ZNF517: variants seen among roughly 807,000 people sequenced by gnomAD.
ZNF517 encodes zinc finger protein 517.
ZNF517 carries 12 observed loss-of-function variants against 12.1 expected under a neutral mutation model. The ratio of observed to expected loss-of-function variants is 0.99; its 90% CI spans 0.63 to 1.61. The LOEUF (loss-of-function observed/expected upper bound fraction) is 1.61, where lower values mean the gene tolerates loss of function less well. Among genes scored for constraint, ZNF517 ranks in the 40% most tolerant of loss-of-function variants. The probability of loss-of-function intolerance (pLI) is 0.00; values close to 1 mark genes in which losing one functional copy is unlikely to be tolerated. For synonymous variants in ZNF517, 388 were observed against 310.2 expected, an observed-to-expected ratio of 1.25 and a Z score of -2.63; for missense variants, 781 against 693.2, an observed-to-expected ratio of 1.13 and a Z score of -1.42.
intron 1 of ZNF517, among the ~76,000 whole-genome samples, chr8:144,801,989 C>T (rs2039545750): frequency 6.6e-6 from 1 of 152,110 alleles, no homozygotes; most frequent in African/African-American, 2.4e-5. Context: ...GCTGAGATCA[C>T]ACCACTGCGC....
chr8:144,804,508 G>A (rs894987328), intron 4 of ZNF517, among the ~76,000 whole-genome samples: 2 of 152,206 alleles, frequency 1.3e-5, no homozygotes, highest in African/African-American at 4.8e-5. Flanking sequence ...CTTGGGTTGT[G>A]TAGGGACCAG....
chr8:144,803,848 C>G, intron 3 of ZNF517, 81 bp downstream of exon 3: 1 of 1,539,160 alleles, frequency 6.5e-7, no homozygotes, highest in East Asian at 2.3e-5. Context: ...ATTGCAGATT[C>G]AAGGTCTGAC....
chr8:144,802,835 G>A, intron 1 of ZNF517, 35 bp from the exon 2 acceptor site: 1 of 1,611,162 alleles, frequency 6.2e-7, no homozygotes, highest in Non-Finnish European at 8.5e-7. Flanking sequence ...CCTTAGGCCT[G>A]GGCTCTTTCC....
chr8:144,809,257 C>T lies in ZNF517; in HGVS notation c.*862C>T, dbSNP rs1355967180. 6.6e-6 allele frequency: 1 copy of T among 152,260 alleles called. No homozygotes were observed. Among genetic ancestry groups the T allele is most frequent in the African/African-American group, 2.4e-5 (1 of 41,452 alleles). 9.4% of individuals were successfully genotyped at this position (152,260 alleles called of 1,614,324 possible). A position where few individuals can be genotyped will look rare whatever the true frequency, so the allele number is the denominator to read the frequency against. On this transcript the variant is annotated 3_prime_UTR_variant, in exon 5 of 5. Coordinates refer to ENST00000359971, the MANE Select transcript of ZNF517 (RefSeq NM_213605.3). ...CCAGCCTGGAGTGCAATGGCACAAT[C>T]ATGGCTTACTGCAGCCTCCAGCTCC...
rs145881540 is a variant in ZNF517 at position 144,803,673 on chromosome 8, C to G, written c.66C>G (p.Tyr22Ter). 1 of 1,614,012 alleles carries G rather than the reference C, an allele frequency of 6.2e-7. No individual in the cohort carries two copies. The highest frequency in any genetic ancestry group is 1.3e-5 in the African/African-American group (1 of 74,924). Residue 22 changes from tyrosine (Y) to a stop codon, truncating the protein, a stop_gained, in exon 3 of 5, where the codon TAC becomes TAG. Coordinates refer to ENST00000359971, the MANE Select transcript of ZNF517 (RefSeq NM_213605.3). LOFTEE classifies it high-confidence loss of function. ...EAVVFEDVAV[Y>*]FTRIEWSCLA... The stretch of plus-strand genomic sequence containing the variant: ...TTGTGTTCGAGGATGTGGCTGTGTA[C>G]TTCACAAGGATAGAGTGGAGTTGCC...
chr8:144,807,440 CCCCCCGCTACAGG>C lies in ZNF517; in HGVS notation c.525_537del (p.Pro176AlafsTer46), dbSNP rs774461761. ...CTGGGCCGGCCTGTGGGGAGCTCAG[CCCCCCGCTACAGG>C]TGCGTGTGCGGCAAGGCGTTCAGAT... On this transcript the variant is annotated frameshift_variant, in exon 5 of 5. Transcript: ENST00000359971. LOFTEE classifies it low-confidence loss of function (END_TRUNC). The C allele has an allele frequency of 1.3e-6, 2 of 1,572,596 alleles. No homozygotes were observed. Among genetic ancestry groups the C allele is most frequent in the African/African-American group, 2.7e-5 (2 of 73,760 alleles).
chr8:144,805,708 C>T (rs1458191414), intron 4 of ZNF517, among the ~76,000 whole-genome samples: 1 of 151,534 alleles, frequency 6.6e-6, no homozygotes, highest in African/African-American at 2.4e-5. Context: ...CTCCACCTCC[C>T]GGGTTCACGC....
Position 144,803,680 on chromosome 8 carries a change from A to G in ZNF517, c.73A>G (p.Arg25Gly). Residue 25 changes from arginine (R) to glycine (G), a missense_variant, in exon 3 of 5, where the codon AGG becomes GGG. Physicochemically the swap from Arg to Gly is moderately radical, Grantham distance 125. Transcript: ENST00000359971. ...CGAGGATGTGGCTGTGTACTTCACA[A>G]GGATAGAGTGGAGTTGCCTGGCCCC... ...VFEDVAVYFT[R>G]IEWSCLAPDQ... The G allele has an allele frequency of 6.2e-7, 1 of 1,614,110 alleles. No individual in the cohort carries two copies. Among genetic ancestry groups the G allele is most frequent in the South Asian group, 1.1e-5 (1 of 91,080 alleles).
intron 1 of ZNF517, among the ~76,000 whole-genome samples, chr8:144,800,012 C>T (rs1056959937): frequency 4.6e-5 from 7 of 152,150 alleles, no homozygotes; most frequent in Non-Finnish European, 8.8e-5. Flanking sequence ...AGCCACAGAT[C>T]CCTGAGGAGA....
At chr8:144,802,515 G>T (rs775514031) in intron 1 of ZNF517, among the ~76,000 whole-genome samples, 3 of 152,232 alleles carry the variant, frequency 2.0e-5, no homozygotes, top group African/African-American at 4.8e-5. Context: ...ATTGGGGAAG[G>T]CAGATAAGGA....
intron 4 of ZNF517, among the ~76,000 whole-genome samples, chr8:144,806,572 CTT>C: frequency 6.6e-6 from 1 of 151,602 alleles, no homozygotes; most frequent in African/African-American, 2.4e-5. Flanking sequence ...GCAACCTCCG[CTT>C]CTTGGGTTCA....
rs1827376512 is a variant in ZNF517, at chr8:144,808,152, T to G, written c.1236T>G (p.Thr412=). The G allele has an allele frequency of 6.4e-7, 1 of 1,572,076 alleles. No individual in the cohort carries two copies. The highest frequency in any genetic ancestry group is 2.4e-5 in the East Asian group (1 of 41,864). ...CCTTCGGTCGCAAGTCCAACCTCAC[T>G]CTGCACCAGAAGATCCACACCAAGG... The part of the protein sequence containing the change: ...GKAFGRKSNL[T]LHQKIHTKEK... Residue 412 remains threonine (T), a synonymous_variant, in exon 5 of 5, where the codon ACT becomes ACG. Coordinates refer to ENST00000359971, the MANE Select transcript of ZNF517 (RefSeq NM_213605.3).
intron 1 of ZNF517, among the ~76,000 whole-genome samples, chr8:144,799,792 T>TCCC (rs1826860111): frequency 6.6e-6 from 1 of 151,894 alleles, no homozygotes; most frequent in African/African-American, 2.4e-5. Context: ...TACAAAAAAT[T>TCCC]AGCCGGGCGT....
chr8:144,800,496 G>GT (rs1826904148), intron 1 of ZNF517: 6 of 985,294 alleles, frequency 6.1e-6, no homozygotes, highest in Non-Finnish European at 7.2e-6. Flanking sequence ...GTGGAGGGTG[G>GT]TATGTGTTGA....
At chr8:144,801,519 C>A (rs761964309) in intron 1 of ZNF517, among the ~76,000 whole-genome samples, 1 of 152,036 alleles carries the variant, frequency 6.6e-6, no homozygotes. Flanking sequence ...ACTCTGTCAC[C>A]CAGGCTGGAG....
At chr8:144,803,161 G>T in intron 2 of ZNF517, 1 of 604,534 alleles carries the variant, frequency 1.7e-6, no homozygotes, top group South Asian at 2.2e-5. Flanking sequence ...GGCTTCCTGC[G>T]GCCTCCTCTG....
chr8:144,803,673 C>T lies in ZNF517; in HGVS notation c.66C>T (p.Tyr22=), dbSNP rs145881540. Residue 22 remains tyrosine, a synonymous_variant, in exon 3 of 5, where the codon TAC becomes TAT. Coordinates refer to ENST00000359971, the MANE Select transcript of ZNF517 (RefSeq NM_213605.3). The part of the protein sequence containing the change: ...EAVVFEDVAV[Y]FTRIEWSCLA... ...TTGTGTTCGAGGATGTGGCTGTGTA[C>T]TTCACAAGGATAGAGTGGAGTTGCC... is the stretch of plus-strand genomic sequence containing the variant. 6 of 1,614,012 alleles carry T rather than the reference C, an allele frequency of 3.7e-6. No homozygotes were observed. The highest frequency in any genetic ancestry group is 1.3e-5 in the African/African-American group (1 of 74,924).
At chr8:144,800,094 C>G (rs532485316) in intron 1 of ZNF517, among the ~76,000 whole-genome samples, 1 of 151,934 alleles carries the variant, frequency 6.6e-6, no homozygotes, top group East Asian at 1.9e-4. Context: ...CCCAGGTCCC[C>G]GAGGAACAGG....
At chr8:144,803,050 C>T in intron 2 of ZNF517, 103 bp downstream of exon 2, 1 of 1,457,024 alleles carries the variant, frequency 6.9e-7, no homozygotes, top group South Asian at 1.2e-5. Flanking sequence ...CACCCACCCA[C>T]ATCACAGGAT....
Sources: allele counts gnomAD v4.1 joint callset (sites outside exome capture counted in the v4.1 genomes callset), GRCh38; gene constraint gnomAD v4.1.1; transcripts MANE v1.5; gene names NCBI Gene and HGNC (gene_info 2026-07-23, HGNC 2026-07-21).